Variants in DCLK1 observed in about 807,000 individuals in gnomAD.
The protein encoded by DCLK1 is serine/threonine-protein kinase DCLK1.
A neutral mutation model predicts 86.2 loss-of-function variants in DCLK1; 16 were observed. The ratio of observed to expected loss-of-function variants is 0.19; its 90% CI spans 0.13 to 0.28. The LOEUF (loss-of-function observed/expected upper bound fraction) is 0.28, where lower values mean the gene tolerates loss of function less well. Among genes scored for constraint, DCLK1 ranks in the 10% least tolerant of loss-of-function variants. DCLK1 has a pLI of 1.00. For synonymous variants in DCLK1, 369 were observed against 370.5 expected (o/e 1.00, Z 0.05); for missense variants, 590 against 940.2 (o/e 0.63, Z 4.87).
intron 3 of DCLK1, among the ~76,000 whole-genome samples, chr13:36,000,806 G>T (rs1433949267): frequency 6.6e-5 from 10 of 152,118 alleles, no homozygotes; most frequent in Non-Finnish European, 1.5e-4. Context: ...ATTTGATATT[G>T]CCAGTACTCA....
chr13:35,958,074 ACC>A, intron 3 of DCLK1, among the ~76,000 whole-genome samples: 1 of 120,282 alleles, frequency 8.3e-6, no homozygotes, highest in Non-Finnish European at 1.6e-5. Context: ...TAGCACCACC[ACC>A]ACTACTATAA....
In DCLK1 at chr13:35,991,159, T is replaced by C. The variant is rs1015977674; in HGVS notation, c.724-43702A>G. Among the ~76,000 whole-genome samples, 3 of 152,088 alleles carry C rather than the reference T, an allele frequency of 2.0e-5. No homozygotes were observed. In the East Asian group the frequency reaches 5.8e-4, roughly 29 times the overall value. ...CCTCATGGGAGAGGTACCCTCTCTT[T>C]ACCTAAAGAAAAGTGCCTAAGACAC... On this transcript the variant is annotated intron_variant, in intron 3 of 16. Transcript: ENST00000360631.
At chr13:35,882,231 C>T (rs1288917962) in intron 4 of DCLK1, among the ~76,000 whole-genome samples, 1 of 152,164 alleles carries the variant, frequency 6.6e-6, no homozygotes, top group Non-Finnish European at 1.5e-5. Flanking sequence ...TCCATCTTTA[C>T]ATGGACTTCT....
intron 6 of DCLK1, chr13:35,846,146 G>A (rs1289950444): frequency 1.0e-6 from 1 of 984,920 alleles, no homozygotes; most frequent in Non-Finnish European, 1.2e-6. Context: ...TGTGTCAAAT[G>A]TTTTAACACA....
intron 3 of DCLK1, among the ~76,000 whole-genome samples, chr13:36,106,453 C>A (rs1454547751): frequency 1.3e-5 from 2 of 152,118 alleles, no homozygotes; most frequent in African/African-American, 4.8e-5. Flanking sequence ...GTGCTCTGAG[C>A]TTTTGTAGAG....
At chr13:35,982,904 A>G (rs1170929563) in intron 3 of DCLK1, among the ~76,000 whole-genome samples, 1 of 151,294 alleles carries the variant, frequency 6.6e-6, no homozygotes, top group African/African-American at 2.4e-5. Context: ...TAGGATTACA[A>G]GCACCCGCCA....
At chr13:35,977,695 G>T (rs1377826704) in intron 3 of DCLK1, among the ~76,000 whole-genome samples, 1 of 152,062 alleles carries the variant, frequency 6.6e-6, no homozygotes, top group Non-Finnish European at 1.5e-5. Flanking sequence ...CATGAAGAAG[G>T]CTGAGAACAA....
At chr13:35,798,040 T>C (rs2086846794) in intron 15 of DCLK1, among the ~76,000 whole-genome samples, 2 of 152,234 alleles carry the variant, frequency 1.3e-5, no homozygotes, top group Admixed American at 1.3e-4. Context: ...CGACACAGGC[T>C]GGTTGTGGTT....
intron 3 of DCLK1, among the ~76,000 whole-genome samples, chr13:35,959,410 T>C (rs1878326749): frequency 6.6e-6 from 1 of 151,892 alleles, no homozygotes; most frequent in African/African-American, 2.4e-5. Context: ...AGGCAGACAG[T>C]AGGAAATTGA....
chr13:36,114,191 GA>G (rs775917603), intron 2 of DCLK1, among the ~76,000 whole-genome samples: 1 of 152,218 alleles, frequency 6.6e-6, no homozygotes, highest in African/African-American at 2.4e-5. Context: ...TGTTAAAAGA[GA>G]AAATAAACAC....
At chr13:36,110,032 C>G (rs1028713389) in intron 3 of DCLK1, among the ~76,000 whole-genome samples, 2 of 152,112 alleles carry the variant, frequency 1.3e-5, no homozygotes, top group African/African-American at 4.8e-5. Context: ...TGAAGTGCAG[C>G]AGGGAGAGGG....
chr13:36,028,840 A>G (rs1344301396), intron 3 of DCLK1, among the ~76,000 whole-genome samples: 6 of 152,234 alleles, frequency 3.9e-5, no homozygotes, highest in African/African-American at 1.4e-4. Flanking sequence ...TAGCATGTTA[A>G]GAGAAAATTC....
intron 16 of DCLK1, among the ~76,000 whole-genome samples, chr13:35,789,622 C>T (rs544685941): frequency 3.9e-5 from 6 of 152,246 alleles, no homozygotes; most frequent in South Asian, 2.1e-4. Flanking sequence ...GACTGAAACG[C>T]TCTATTTGCA....
At chr13:36,001,341 ATTCT>A (rs1484173426) in intron 3 of DCLK1, among the ~76,000 whole-genome samples, 11 of 152,336 alleles carry the variant, frequency 7.2e-5, no homozygotes, top group African/African-American at 2.6e-4. Context: ...ACAGACAATA[ATTCT>A]TTCAGCAACA....
chr13:35,797,076 G>A (rs914985817), intron 15 of DCLK1, among the ~76,000 whole-genome samples: 1 of 152,198 alleles, frequency 6.6e-6, no homozygotes, highest in Admixed American at 6.5e-5. Context: ...AGGATCCTAT[G>A]TGCAGCAAGC....
intron 4 of DCLK1, among the ~76,000 whole-genome samples, chr13:35,896,739 C>A (rs947806974): frequency 1.3e-5 from 2 of 152,022 alleles, no homozygotes; most frequent in African/African-American, 4.8e-5. Flanking sequence ...AGGACGCAGT[C>A]CCTACCTCAG....
At chr13:36,078,627 G>T (rs1566672263) in intron 3 of DCLK1, among the ~76,000 whole-genome samples, 1 of 152,184 alleles carries the variant, frequency 6.6e-6, no homozygotes, top group Non-Finnish European at 1.5e-5. Context: ...AAATGAAGAT[G>T]AAGTATCTGA....
chr13:36,131,066 G>C (rs1181317510), intron 1 of DCLK1, 48 bp downstream of exon 1: 1 of 150,188 alleles, frequency 6.7e-6, no homozygotes, highest in Non-Finnish European at 1.5e-5. Flanking sequence ...GGAGTCCCCC[G>C]GCCGCCCTCC....
At chr13:36,096,075 T>A (rs1291836113) in intron 3 of DCLK1, among the ~76,000 whole-genome samples, 7 of 152,190 alleles carry the variant, frequency 4.6e-5, no homozygotes, top group Non-Finnish European at 1.0e-4. Flanking sequence ...GGGTTTTTTG[T>A]ATGTAATTTT....
Sources: allele counts gnomAD v4.1 joint callset (sites outside exome capture counted in the v4.1 genomes callset), GRCh38; gene constraint gnomAD v4.1.1; transcripts MANE v1.5; gene names NCBI Gene and HGNC (gene_info 2026-07-23, HGNC 2026-07-21).